FNDC3B: variants seen among roughly 807,000 people sequenced by gnomAD.
FNDC3B encodes fibronectin type III domain-containing protein 3B.
In FNDC3B, 12 loss-of-function variants were observed where a neutral mutation model predicts 151.5. That is an observed-to-expected ratio of 0.08 (90% CI 0.05 to 0.13). FNDC3B has a LOEUF of 0.13. FNDC3B is among the 10% of genes least tolerant of loss of function. The pLI is 1.00. For missense variants in FNDC3B, 1,214 were observed against 1,505.3 expected (o/e 0.81, Z 3.20); for synonymous variants, 528 against 549.0 (o/e 0.96, Z 0.54).
At chr3:172,382,359 T>C (rs938681077) in intron 25 of FNDC3B, among the ~76,000 whole-genome samples, 2 of 152,260 alleles carry the variant, frequency 1.3e-5, no homozygotes, top group Non-Finnish European at 2.9e-5. Context: ...TTGTAGGTGC[T>C]AGATATTAGG....
chr3:172,060,302 G>A (rs1054028949), intron 1 of FNDC3B, among the ~76,000 whole-genome samples: 1 of 152,158 alleles, frequency 6.6e-6, no homozygotes, highest in Non-Finnish European at 1.5e-5. Context: ...TTGCTAGGGT[G>A]GGGGGTGGTA....
chr3:172,330,270 G>A (rs1259681341), intron 12 of FNDC3B: 4 of 307,912 alleles, frequency 1.3e-5, no homozygotes, highest in East Asian at 6.1e-5. Context: ...CTTCATTCAC[G>A]TGGACTCAAG....
At chr3:172,187,007 G>A in intron 3 of FNDC3B, 1 of 379,964 alleles carries the variant, frequency 2.6e-6, no homozygotes, top group Admixed American at 4.6e-5. Context: ...TTTAAGGCAG[G>A]TGATGATGAT....
intron 1 of FNDC3B, among the ~76,000 whole-genome samples, chr3:172,041,727 C>G (rs573304928): frequency 6.6e-6 from 1 of 152,270 alleles, no homozygotes; most frequent in East Asian, 1.9e-4. Context: ...AACCTGGGTG[C>G]CCGGGCAACG....
At position 172,133,555 on chromosome 3, in the gene FNDC3B, A is replaced by G; in HGVS notation, c.187+9A>G. ...ACTTCAGTGCATTCAAGGTAAGGACATTTTTGGTAAATATTCTAATCAAAG... is the reference window on the plus strand; with the variant it reads ...ACTTCAGTGCATTCAAGGTAAGGACGTTTTTGGTAAATATTCTAATCAAAG... On this transcript the variant is annotated intron_variant, in intron 3 of 25. Coordinates refer to ENST00000415807, the MANE Select transcript of FNDC3B (RefSeq NM_022763.4). 1 of 1,590,236 alleles carries G rather than the reference A, an allele frequency of 6.3e-7. No homozygotes were observed. The highest frequency in any genetic ancestry group is 8.6e-7 in the Non-Finnish European group (1 of 1,158,924).
rs1419320921 is a variant in FNDC3B at position 172,251,529 on chromosome 3, T to C, written c.778T>C (p.Ser260Pro). The change falls in exon 6 of 26, where the codon TCA becomes CCA. Residue 260 changes from serine (S) to proline (P), a missense_variant. Coordinates refer to ENST00000415807, the MANE Select transcript of FNDC3B (RefSeq NM_022763.4). ...RARSSPKSND[S>P]DLQEYELEVK... ...AAGAAGCAGCCCAAAGTCGAATGAT[T>C]CAGACTTGCAAGGTAATACTCAAGA... The C allele has an allele frequency of 6.2e-7, 1 of 1,611,540 alleles. No homozygotes were observed. Among genetic ancestry groups the C allele is most frequent in the South Asian group, 1.1e-5 (1 of 91,010 alleles).
Position 172,044,748 on chromosome 3 carries a change from A to G in FNDC3B, c.-29+4977A>G, listed in dbSNP as rs143796193. ...TTATAGTGTCCTAGTGAGTGTGACAAATATAGGAAACATGATTTAACCCAT... is the reference window on the plus strand; with the variant it reads ...TTATAGTGTCCTAGTGAGTGTGACAGATATAGGAAACATGATTTAACCCAT... On this transcript the variant is annotated intron_variant, in intron 1 of 25. Coordinates refer to ENST00000415807, the MANE Select transcript of FNDC3B (RefSeq NM_022763.4). Among the ~76,000 whole-genome samples the G allele has an allele frequency of 5.5e-3, 843 of 152,316 alleles. 9 individuals are homozygous for G. The highest frequency in any genetic ancestry group is 0.034 in the Middle Eastern group (10 of 294).
chr3:172,179,516 C>G (rs1723773184), intron 3 of FNDC3B, among the ~76,000 whole-genome samples: 1 of 152,142 alleles, frequency 6.6e-6, no homozygotes, highest in South Asian at 2.1e-4. Context: ...ACTTCACTGT[C>G]TACAACACAC....
chr3:172,043,980 G>T (rs1162700521), intron 1 of FNDC3B, among the ~76,000 whole-genome samples: 2 of 152,178 alleles, frequency 1.3e-5, no homozygotes, highest in Non-Finnish European at 2.9e-5. Flanking sequence ...TTCAGACTTT[G>T]TAAGTATCAG....
chr3:172,069,598 C>T (rs1717669616), intron 1 of FNDC3B, among the ~76,000 whole-genome samples: 2 of 152,066 alleles, frequency 1.3e-5, no homozygotes, highest in Non-Finnish European at 2.9e-5. Context: ...GCCTTAGTTT[C>T]TCTACTCTCC....
At chr3:172,108,912 G>A (rs976426297) in intron 1 of FNDC3B, among the ~76,000 whole-genome samples, 7 of 152,212 alleles carry the variant, frequency 4.6e-5, no homozygotes, top group South Asian at 4.1e-4. Flanking sequence ...GGGACAGCTT[G>A]GCAGGCAGTT....
At chr3:172,354,425 G>A (rs904688853) in intron 22 of FNDC3B, among the ~76,000 whole-genome samples, 1 of 151,428 alleles carries the variant, frequency 6.6e-6, no homozygotes, top group African/African-American at 2.4e-5. Flanking sequence ...GCTTGCTAAT[G>A]TTTATAACTA....
chr3:172,334,599 C>T lies in FNDC3B; in HGVS notation c.1642-345C>T, dbSNP rs553224887. Reference sequence around the variant, plus strand: ...CTGGGATTACAGGCATGTGCCATCACGCCCAGCTAATTTTGTACTTTTAGT... The same window carrying T: ...CTGGGATTACAGGCATGTGCCATCATGCCCAGCTAATTTTGTACTTTTAGT... On this transcript the variant is annotated intron_variant, in intron 14 of 25. Coordinates refer to ENST00000415807, the MANE Select transcript of FNDC3B (RefSeq NM_022763.4). Among the ~76,000 whole-genome samples the T allele has an allele frequency of 5.8e-4, 88 of 152,254 alleles. 1 individual carries two copies. The highest frequency in any genetic ancestry group is 8.8e-4 in the Non-Finnish European group (60 of 68,012).
chr3:172,132,395 T>C (rs1395754517), intron 2 of FNDC3B, among the ~76,000 whole-genome samples: 1 of 152,180 alleles, frequency 6.6e-6, no homozygotes, highest in Non-Finnish European at 1.5e-5. Context: ...TTTTTAACTA[T>C]AGTTTTTGTG....
chr3:172,194,471 C>T (rs183626134), intron 3 of FNDC3B, among the ~76,000 whole-genome samples: 70 of 152,224 alleles, frequency 4.6e-4, no homozygotes, highest in Non-Finnish European at 7.5e-4. Context: ...GTACTCACTC[C>T]AAAGTTATTG....
At chr3:172,285,816 A>G in intron 6 of FNDC3B, 110 bp from the exon 7 acceptor site, 1 of 747,970 alleles carries the variant, frequency 1.3e-6, no homozygotes, top group South Asian at 1.6e-5. Context: ...TCATGATAAC[A>G]GGCAACTGAT....
Position 172,307,354 on chromosome 3 carries a change from TG to T in FNDC3B, c.1062-8del. ...TCACTGCCACTGACTGTGTCTGTTT[TG>T]TTTTCAGGGTGTATGCCATGTACAA... On this transcript the variant is annotated splice_region_variant and splice_polypyrimidine_tract_variant and intron_variant, in intron 9 of 25. Coordinates refer to ENST00000415807, the MANE Select transcript of FNDC3B (RefSeq NM_022763.4). 4 of 1,614,146 alleles carry T rather than the reference TG, an allele frequency of 2.5e-6. No individual in the cohort carries two copies. The highest frequency in any genetic ancestry group is 3.4e-6 in the Non-Finnish European group (4 of 1,179,972).
At chr3:172,067,968 CA>C (rs1282349257) in intron 1 of FNDC3B, among the ~76,000 whole-genome samples, 1 of 152,148 alleles carries the variant, frequency 6.6e-6, no homozygotes, top group Non-Finnish European at 1.5e-5. Flanking sequence ...CTGGGCTGTA[CA>C]TGGCCTCCCT....
At chr3:172,340,753 C>T (rs1733265650) in intron 16 of FNDC3B, among the ~76,000 whole-genome samples, 1 of 152,180 alleles carries the variant, frequency 6.6e-6, no homozygotes, top group African/African-American at 2.4e-5. Context: ...TGCCTGGCTG[C>T]CCCTGAGGCC....
Sources: gnomAD v4.1 joint callset for allele counts (sites outside exome capture counted in the v4.1 genomes callset) on GRCh38, gnomAD v4.1.1 for gene constraint, MANE v1.5 for transcripts, NCBI Gene and HGNC (gene_info 2026-07-23, HGNC 2026-07-21) for gene names.